The following OTOG variants were observed in gnomAD, a reference collection of about 807,000 sequenced individuals.
OTOG encodes otogelin.
OTOG carries 296 observed loss-of-function variants against 313.8 expected under a neutral mutation model. That is an observed-to-expected ratio of 0.94 (90% CI 0.86 to 1.04). OTOG has a LOEUF of 1.04. OTOG is among the 50% of genes least tolerant of loss of function. OTOG has a pLI of 0.00. For synonymous variants in OTOG, 1,533 were observed against 1,554.9 expected (o/e 0.99, Z 0.33); for missense variants, 3,948 against 3,840.1 (o/e 1.03, Z -0.74).
Position 17,634,293 on chromosome 11 carries a change from CCTT to C in OTOG, c.7480+14_7480+16del. The C allele has an allele frequency of 6.5e-7, 1 of 1,547,744 alleles. No homozygotes were observed. Among genetic ancestry groups the C allele is most frequent in the Non-Finnish European group, 8.7e-7 (1 of 1,144,702 alleles). ...GGGGACTGTCTGTGGTGAGTGTCCA[CCTT>C]CACTTCCTTGGACGTCAACTGTAAA... is the stretch of plus-strand genomic sequence containing the variant. On this transcript the variant is annotated intron_variant, in intron 44 of 55. Coordinates refer to ENST00000399397, the MANE Select transcript of OTOG (RefSeq NM_001292063.2).
intron 38 of OTOG, among the ~76,000 whole-genome samples, chr11:17,613,186 CTTTCTTTCT>C (rs1222015878): frequency 0.02 from 1,873 of 94,936 alleles, 59 homozygotes; most frequent in Non-Finnish European, 0.024. Flanking sequence ...TTCTTTCTTT[CTTTCTTTCT>C]TTTCTTTCTT....
rs1177269701 is a variant in OTOG, at chr11:17,559,212, A to C, written c.1213+51A>C. On this transcript the variant is annotated intron_variant, in intron 11 of 55. Transcript: ENST00000399397. ...GGGAGGCCTTCAGGCTGTGGGTGGC[A>C]TTCTCAGGCCTCAGCTCAATGTCTT... is the stretch of plus-strand genomic sequence containing the variant. 11 of 1,322,960 alleles carry C rather than the reference A, an allele frequency of 8.3e-6. No individual in the cohort carries two copies. In the East Asian group the frequency reaches 2.8e-4, roughly 33 times the overall value. 82.0% of individuals were successfully genotyped at this position (1,322,960 alleles called of 1,614,324 possible). A position where few individuals can be genotyped will look rare whatever the true frequency, so the allele number is the denominator to read the frequency against.
At chr11:17,596,394 C>T (rs1853109420) in intron 29 of OTOG, among the ~76,000 whole-genome samples, 1 of 152,258 alleles carries the variant, frequency 6.6e-6, no homozygotes, top group Non-Finnish European at 1.5e-5. Flanking sequence ...CTTGATCTGG[C>T]CCTTCCTCCT....
At chr11:17,621,596 C>A (rs1853865120) in intron 39 of OTOG, among the ~76,000 whole-genome samples, 1 of 143,250 alleles carries the variant, frequency 7.0e-6, no homozygotes, top group African/African-American at 2.6e-5. Flanking sequence ...AGCTTCAGAG[C>A]TCTCTCTCTC....
At chr11:17,565,204 G>A (rs1181162607) in intron 15 of OTOG, among the ~76,000 whole-genome samples, 4 of 152,188 alleles carry the variant, frequency 2.6e-5, no homozygotes, top group Non-Finnish European at 4.4e-5. Flanking sequence ...CTTCATGGAT[G>A]TTACAGTTCC....
chr11:17,568,039 C>A (rs947388461), intron 15 of OTOG, among the ~76,000 whole-genome samples: 1 of 152,156 alleles, frequency 6.6e-6, no homozygotes, highest in African/African-American at 2.4e-5. Context: ...TCCCGAGTAA[C>A]TGGGACTACA....
intron 49 of OTOG, among the ~76,000 whole-genome samples, chr11:17,640,466 C>G (rs1847945668): frequency 6.6e-6 from 1 of 152,226 alleles, no homozygotes; most frequent in Non-Finnish European, 1.5e-5. Flanking sequence ...TTCCTCCCTC[C>G]TTAACATTGC....
chr11:17,611,257 T>A lies in OTOG; in HGVS notation c.5957T>A (p.Leu1986Gln). The A allele has an allele frequency of 6.5e-7, 1 of 1,550,356 alleles. No homozygotes were observed. Among genetic ancestry groups the A allele is most frequent in the Non-Finnish European group, 8.7e-7 (1 of 1,146,952 alleles). The change falls in exon 36 of 56, where the codon CTG becomes CAG. Residue 1986 changes from leucine (L) to glutamine (Q), a missense_variant. Physicochemically the swap from Leu to Gln is moderately radical, Grantham distance 113. Coordinates refer to ENST00000399397, the MANE Select transcript of OTOG (RefSeq NM_001292063.2). ...AGCATGCTGGTTCTGTTGCCTCAGCTGGCTGAGGCCCATGGAACCTCGGCA... is the reference window on the plus strand; with the variant it reads ...AGCATGCTGGTTCTGTTGCCTCAGCAGGCTGAGGCCCATGGAACCTCGGCA... ...QDSMLVLLPQ[L>Q]AEAHGTSAGP...
In OTOG at chr11:17,608,304, C is replaced by T; in HGVS notation, c.4165C>T (p.Pro1389Ser). Reference protein sequence around the residue: ...GTLFRLLDAKPSGAAYPICEW... With the variant: ...GTLFRLLDAKSSGAAYPICEW... ...CCCATCTCACTTTCTAGATGCCAAG[C>T]CCTCGGGGGCTGCCTACCCCATCTG... The change falls in exon 34 of 56, where the codon CCC (proline) becomes TCC (serine). Residue 1389 changes from proline (P) to serine (S), a missense_variant. Transcript: ENST00000399397. 6.5e-7 allele frequency: 1 copy of T among 1,530,468 alleles called. No individual in the cohort carries two copies. The highest frequency in any genetic ancestry group is 8.8e-7 in the Non-Finnish European group (1 of 1,137,656). The allele number at this position is 1,530,468 out of a possible 1,614,324, so 94.8% of individuals were successfully genotyped here.
At chr11:17,620,740 GTGTTTT>G (rs1853844696) in intron 39 of OTOG, among the ~76,000 whole-genome samples, 3 of 152,116 alleles carry the variant, frequency 2.0e-5, no homozygotes, top group Admixed American at 2.0e-4. Flanking sequence ...TCAATTACAT[GTGTTTT>G]AGGATACTTG....
At chr11:17,580,127 G>A (rs1407689296) in intron 23 of OTOG, among the ~76,000 whole-genome samples, 1 of 152,200 alleles carries the variant, frequency 6.6e-6, no homozygotes, top group East Asian at 1.9e-4. Flanking sequence ...TGGCCACCAT[G>A]CCCTTCTCAA....
At chr11:17,600,428 C>T (rs985671460) in intron 31 of OTOG, among the ~76,000 whole-genome samples, 1 of 152,186 alleles carries the variant, frequency 6.6e-6, no homozygotes, top group African/African-American at 2.4e-5. Context: ...ATCCCCGACC[C>T]TCCTCCAGGG....
At chr11:17,579,293 G>T (rs1852612081) in intron 23 of OTOG, among the ~76,000 whole-genome samples, 1 of 152,206 alleles carries the variant, frequency 6.6e-6, no homozygotes, top group Admixed American at 6.5e-5. Context: ...AGGGCTTCTA[G>T]GGTAGGAAGG....
intron 32 of OTOG, among the ~76,000 whole-genome samples, chr11:17,604,390 C>T (rs7107432): frequency 0.24 from 35,859 of 152,082 alleles, 4,570 homozygotes; most frequent in East Asian, 0.32. Flanking sequence ...TCCAGTGGAG[C>T]GGGCTGGGGC....
intron 49 of OTOG, among the ~76,000 whole-genome samples, chr11:17,639,806 T>C (rs1847929926): frequency 6.7e-6 from 1 of 148,734 alleles, no homozygotes; most frequent in Non-Finnish European, 1.5e-5. Context: ...ATGGTAATAA[T>C]GCAATGATGG....
intron 30 of OTOG, 148 bp downstream of exon 30, chr11:17,597,155 C>A: frequency 9.5e-7 from 1 of 1,047,838 alleles, no homozygotes; most frequent in Non-Finnish European, 1.3e-6. Context: ...TCATTGAATT[C>A]TTACAACTAC....
chr11:17,594,710 A>G (rs984710510), intron 28 of OTOG, among the ~76,000 whole-genome samples: 4 of 152,334 alleles, frequency 2.6e-5, no homozygotes, highest in East Asian at 1.9e-4. Flanking sequence ...GAGGCTGCCA[A>G]TCTGTGAGCT....
intron 26 of OTOG, 138 bp downstream of exon 26, chr11:17,593,465 T>A: frequency 7.0e-7 from 1 of 1,421,368 alleles, no homozygotes; most frequent in Non-Finnish European, 9.5e-7. Context: ...CAGACTGAAT[T>A]CCTCTTGGCC....
In OTOG at chr11:17,610,166, C is replaced by T. The variant is rs780581249; in HGVS notation, c.4866C>T (p.Val1622=). The T allele has an allele frequency of 1.4e-4, 214 of 1,550,544 alleles. 1 individual carries two copies. Among genetic ancestry groups the T allele is most frequent in the Admixed American group, 2.7e-4 (14 of 50,980 alleles). ...RFPLMTKAVT[V]RGHGSLPVRT... ...CGCTCATGACCAAGGCTGTGACAGT[C>T]CGAGGCCATGGCTCCTTGCCTGTTA... Residue 1622 remains valine (V), a synonymous_variant, in exon 36 of 56, where the codon GTC becomes GTT. Transcript: ENST00000399397.
Sources: gnomAD v4.1 joint callset for allele counts (sites outside exome capture counted in the v4.1 genomes callset) on GRCh38, gnomAD v4.1.1 for gene constraint, MANE v1.5 for transcripts, NCBI Gene and HGNC (gene_info 2026-07-23, HGNC 2026-07-21) for gene names.